MMP16: variants seen among roughly 807,000 people sequenced by gnomAD.
The protein encoded by MMP16 is matrix metalloproteinase-16.
In MMP16, 12 loss-of-function variants were observed where a neutral mutation model predicts 67.8. The observed-to-expected ratio is 0.18, with a 90% CI of 0.11 to 0.29. MMP16 has a LOEUF of 0.29. Among genes scored for constraint, MMP16 ranks in the 10% least tolerant of loss-of-function variants. The pLI, the probability that MMP16 is intolerant of heterozygous loss-of-function variation, is 1.00. For missense variants in MMP16, 475 were observed against 765.7 expected, an observed-to-expected ratio of 0.62 and a Z score of 4.48; for synonymous variants, 249 against 255.9, an observed-to-expected ratio of 0.97 and a Z score of 0.26.
intron 3 of MMP16, among the ~76,000 whole-genome samples, chr8:88,175,176 T>C (rs1285789282): frequency 1.3e-5 from 2 of 152,160 alleles, no homozygotes; most frequent in Non-Finnish European, 2.9e-5. Flanking sequence ...AAAATTAGCA[T>C]CACCACTGCT....
At chr8:88,327,005 A>G in intron 1 of MMP16, 70 bp downstream of exon 1, 3 of 1,595,810 alleles carry the variant, frequency 1.9e-6, no homozygotes, top group Non-Finnish European at 2.6e-6. Context: ...CAAGGATCCC[A>G]GGAGTGAAGG....
intron 1 of MMP16, among the ~76,000 whole-genome samples, chr8:88,227,999 C>T (rs2129864883): frequency 6.6e-6 from 1 of 152,076 alleles, no homozygotes; most frequent in African/African-American, 2.4e-5. Context: ...CAGAAAATTC[C>T]TAGAAGAAAT....
In MMP16 at chr8:88,062,921, G is replaced by GT. The variant is rs558721094; in HGVS notation, c.1223-6644dup. On this transcript the variant is annotated intron_variant, in intron 7 of 9. Coordinates refer to ENST00000286614, the MANE Select transcript of MMP16 (RefSeq NM_005941.5). ...TTTTTTACTGTACATATGACAGGTG[G>GT]TTTTTTAACTACCCTACCATCAGAC... Among the ~76,000 whole-genome samples the GT allele has an allele frequency of 2.2e-4, 34 of 152,184 alleles. No homozygotes were observed. In the East Asian group the frequency reaches 6.4e-3, roughly 29 times the overall value.
chr8:88,259,085 G>A (rs1255586222), intron 1 of MMP16, among the ~76,000 whole-genome samples: 3 of 152,058 alleles, frequency 2.0e-5, no homozygotes, highest in African/African-American at 7.2e-5. Context: ...GAAGATGCTG[G>A]CACAAGTGGA....
At chr8:88,114,965 A>C (rs1299090716) in intron 6 of MMP16, among the ~76,000 whole-genome samples, 2 of 152,006 alleles carry the variant, frequency 1.3e-5, no homozygotes, top group African/African-American at 4.8e-5. Context: ...AACAGCACTT[A>C]CTAAACTTTT....
intron 1 of MMP16, among the ~76,000 whole-genome samples, chr8:88,257,578 A>G (rs1810323174): frequency 6.6e-6 from 1 of 152,224 alleles, no homozygotes; most frequent in Non-Finnish European, 1.5e-5. Context: ...ATGGGGCTTA[A>G]TATCATTGAA....
At chr8:88,079,311 C>T (rs1022862257) in intron 6 of MMP16, among the ~76,000 whole-genome samples, 3 of 152,080 alleles carry the variant, frequency 2.0e-5, no homozygotes, top group Non-Finnish European at 4.4e-5. Flanking sequence ...GAGAGAGAGA[C>T]CATATACGCA....
chr8:88,177,475 C>T (rs185075859), intron 3 of MMP16, among the ~76,000 whole-genome samples: 67 of 152,200 alleles, frequency 4.4e-4, no homozygotes, highest in Admixed American at 5.9e-4. Flanking sequence ...CCCTCAAAGT[C>T]CCAGCCTTAG....
intron 3 of MMP16, chr8:88,186,234 A>G (rs900383159): frequency 8.3e-6 from 3 of 361,124 alleles, no homozygotes; most frequent in Non-Finnish European, 1.5e-5. Context: ...CCCTCATAAT[A>G]TTGACATTTA....
intron 4 of MMP16, among the ~76,000 whole-genome samples, chr8:88,147,402 C>G (rs1276309364): frequency 6.6e-6 from 1 of 152,052 alleles, no homozygotes; most frequent in Non-Finnish European, 1.5e-5. Flanking sequence ...ACAGATTACA[C>G]ATTGTTATTA....
intron 3 of MMP16, among the ~76,000 whole-genome samples, chr8:88,177,995 G>A (rs754604244): frequency 6.6e-6 from 1 of 151,218 alleles, no homozygotes; most frequent in Non-Finnish European, 1.5e-5. Context: ...GATATTTAAA[G>A]ACAGGAGGAG....
chr8:88,105,074 A>G (rs1362083534), intron 6 of MMP16, among the ~76,000 whole-genome samples: 1 of 151,406 alleles, frequency 6.6e-6, no homozygotes, highest in Non-Finnish European at 1.5e-5. Context: ...GATGCATCCA[A>G]AGGAATTTCC....
intron 8 of MMP16, among the ~76,000 whole-genome samples, chr8:88,053,017 T>C (rs1304318488): frequency 6.6e-6 from 1 of 152,222 alleles, no homozygotes; most frequent in African/African-American, 2.4e-5. Context: ...GTGGTCTTTC[T>C]ACTACTCCAT....
At chr8:88,234,643 G>A (rs1288937067) in intron 1 of MMP16, among the ~76,000 whole-genome samples, 2 of 152,190 alleles carry the variant, frequency 1.3e-5, no homozygotes, top group East Asian at 3.8e-4. Context: ...AGCAAACTCA[G>A]AGTTAGACTC....
At chr8:88,298,156 A>G (rs896026201) in intron 1 of MMP16, among the ~76,000 whole-genome samples, 2 of 152,204 alleles carry the variant, frequency 1.3e-5, no homozygotes, top group Non-Finnish European at 2.9e-5. Context: ...GTAATAAAAG[A>G]TCACCATTAA....
At chr8:88,194,215 C>G (rs540678142) in intron 2 of MMP16, among the ~76,000 whole-genome samples, 1 of 151,882 alleles carries the variant, frequency 6.6e-6, no homozygotes, top group Non-Finnish European at 1.5e-5. Context: ...CATCCCATGT[C>G]TATCTGCCAA....
intron 8 of MMP16, among the ~76,000 whole-genome samples, chr8:88,052,800 T>C (rs950341812): frequency 6.6e-6 from 1 of 152,218 alleles, no homozygotes; most frequent in African/African-American, 2.4e-5. Flanking sequence ...CAGCTTTCTA[T>C]GGCTGAAACT....
At chr8:88,167,100 T>C (rs1808726912) in intron 4 of MMP16, among the ~76,000 whole-genome samples, 1 of 152,032 alleles carries the variant, frequency 6.6e-6, no homozygotes, top group Admixed American at 6.6e-5. Context: ...TAATCCCAGC[T>C]ACTCAGGAGG....
chr8:88,309,435 G>T (rs1811262064), intron 1 of MMP16, among the ~76,000 whole-genome samples: 1 of 151,700 alleles, frequency 6.6e-6, no homozygotes, highest in African/African-American at 2.4e-5. Flanking sequence ...AAAGAGGGAG[G>T]GTGGTAGGAG....
Sources: gnomAD v4.1 joint callset for allele counts (sites outside exome capture counted in the v4.1 genomes callset) on GRCh38, gnomAD v4.1.1 for gene constraint, MANE v1.5 for transcripts, NCBI Gene and HGNC (gene_info 2026-07-23, HGNC 2026-07-21) for gene names.